The following SPAG1 variants were observed in gnomAD, a reference collection of about 807,000 sequenced individuals.
SPAG1 encodes the protein sperm associated antigen 1.
SPAG1 carries 69 observed loss-of-function variants against 100.5 expected under a neutral mutation model. The ratio of observed to expected loss-of-function variants is 0.69; its 90% CI spans 0.57 to 0.84. The LOEUF (loss-of-function observed/expected upper bound fraction) is 0.84. SPAG1 is among the 40% of genes least tolerant of loss of function. SPAG1 has a pLI of 0.00. For missense variants in SPAG1, 955 were observed against 1,133.1 expected, an observed-to-expected ratio of 0.84 and a Z score of 2.26; for synonymous variants, 336 against 411.6, an observed-to-expected ratio of 0.82 and a Z score of 2.22.
chr8:100,189,356 A>G (rs1291034511), intron 8 of SPAG1, among the ~76,000 whole-genome samples: 1 of 152,132 alleles, frequency 6.6e-6, no homozygotes, highest in Non-Finnish European at 1.5e-5. Context: ...AGGCACCTGT[A>G]ATCCCAACAA....
intron 16 of SPAG1, among the ~76,000 whole-genome samples, chr8:100,238,963 T>C (rs1303954889): frequency 3.3e-5 from 5 of 152,242 alleles, no homozygotes; most frequent in African/African-American, 7.2e-5. Flanking sequence ...GTGCTTATCA[T>C]GTGTTAGGGA....
intron 3 of SPAG1, among the ~76,000 whole-genome samples, chr8:100,172,381 G>A (rs1386690812): frequency 6.6e-6 from 1 of 152,144 alleles, no homozygotes; most frequent in African/African-American, 2.4e-5. Flanking sequence ...CACTTTGGGA[G>A]GCCGAGGCAG....
At chr8:100,171,712 G>A (rs1267732532) in intron 3 of SPAG1, among the ~76,000 whole-genome samples, 2 of 152,074 alleles carry the variant, frequency 1.3e-5, no homozygotes, top group East Asian at 3.9e-4. Context: ...GCAGTGAGTT[G>A]GAGCAAATGT....
At chr8:100,175,179 G>A (rs1816054150) in intron 3 of SPAG1, among the ~76,000 whole-genome samples, 1 of 151,694 alleles carries the variant, frequency 6.6e-6, no homozygotes, top group Non-Finnish European at 1.5e-5. Flanking sequence ...AATAATGATG[G>A]CATCTTCAAT....
At chr8:100,215,789 G>T (rs1817958789) in intron 12 of SPAG1, among the ~76,000 whole-genome samples, 1 of 152,264 alleles carries the variant, frequency 6.6e-6, no homozygotes, top group Admixed American at 6.5e-5. Context: ...CTCCCAAAGT[G>T]CTGGGATTAC....
At chr8:100,179,085 A>G (rs1038908673) in intron 4 of SPAG1, among the ~76,000 whole-genome samples, 1 of 150,186 alleles carries the variant, frequency 6.7e-6, no homozygotes, top group Admixed American at 6.6e-5. Context: ...AAAAACCACA[A>G]AAACAAACAA....
At chr8:100,190,312 CAAA>C (rs551371158) in intron 8 of SPAG1, among the ~76,000 whole-genome samples, 12 of 74,036 alleles carry the variant, frequency 1.6e-4, no homozygotes, top group African/African-American at 2.5e-4. Context: ...GACTCTGTCT[CAAA>C]AAAAAAAAAA....
At position 100,187,210 on chromosome 8, in the gene SPAG1, T is replaced by C. The variant is rs1586434662; in HGVS notation, c.792T>C (p.Asp264=). 5.0e-6 allele frequency: 8 copies of C among 1,612,834 alleles called. No individual in the cohort carries two copies. The highest frequency in any genetic ancestry group is 1.7e-5 in the Admixed American group (1 of 59,948). ...KLQNWNSAFQ[D]CEKVLELEPG... ...AGAACTGGAATAGTGCTTTTCAGGA[T>C]TGTGAAAAGGTCTTGGAGTTAGAAC... Residue 264 remains aspartate, a synonymous_variant, in exon 8 of 19, where the codon GAT becomes GAC. Coordinates refer to ENST00000388798, the MANE Select transcript of SPAG1 (RefSeq NM_003114.5).
intron 12 of SPAG1, 137 bp from the exon 13 acceptor site, chr8:100,220,142 A>G: frequency 1.5e-6 from 1 of 659,838 alleles, no homozygotes; most frequent in Non-Finnish European, 2.5e-6. Flanking sequence ...CCTTTCTGGC[A>G]TGTTGCCTGG....
chr8:100,220,424 G>GT lies in SPAG1; in HGVS notation c.1683dup (p.Asn562Ter). 6.2e-7 allele frequency: 1 copy of GT among 1,608,632 alleles called. No homozygotes were observed. Among genetic ancestry groups the GT allele is most frequent in the East Asian group, 2.2e-5 (1 of 44,746 alleles). ...TGGACTCCAGCTAGCAAATGACAGT[G>GT]TTAACAGGTAATTAATCTGAGGCAG... On this transcript the variant is annotated frameshift_variant, in exon 13 of 19. Coordinates refer to ENST00000388798, the MANE Select transcript of SPAG1 (RefSeq NM_003114.5). LOFTEE classifies it high-confidence loss of function.
At chr8:100,215,253 C>T (rs747153264) in intron 12 of SPAG1, among the ~76,000 whole-genome samples, 14 of 151,606 alleles carry the variant, frequency 9.2e-5, no homozygotes, top group South Asian at 4.2e-4. Flanking sequence ...AATAGTCACC[C>T]GTGGTACTCA....
chr8:100,219,474 A>G (rs1818162599), intron 12 of SPAG1, among the ~76,000 whole-genome samples: 1 of 152,318 alleles, frequency 6.6e-6, no homozygotes, highest in South Asian at 2.1e-4. Context: ...TTTCATTCAT[A>G]AATACAGATT....
intron 2 of SPAG1, 54 bp downstream of exon 2, chr8:100,162,474 T>C: frequency 7.3e-7 from 1 of 1,369,142 alleles, no homozygotes; most frequent in Non-Finnish European, 9.9e-7. Context: ...AATTATCTTG[T>C]TGTTACCTTC....
intron 10 of SPAG1, chr8:100,194,687 G>A (rs55662685): frequency 0.18 from 58,892 of 336,216 alleles, 5,859 homozygotes; most frequent in Middle Eastern, 0.25. Context: ...CTAGAAAATT[G>A]CTATGTGTGT....
At chr8:100,191,586 A>G in intron 9 of SPAG1, 90 bp downstream of exon 9, 1 of 851,322 alleles carries the variant, frequency 1.2e-6, no homozygotes, top group Non-Finnish European at 1.9e-6. Context: ...CAAACAAATT[A>G]TGTTGAAGAT....
intron 14 of SPAG1, among the ~76,000 whole-genome samples, chr8:100,227,423 A>G (rs1476145840): frequency 6.6e-6 from 1 of 152,218 alleles, no homozygotes; most frequent in East Asian, 1.9e-4. Context: ...CATGATGTCC[A>G]GATGGCTAGT....
chr8:100,162,673 G>A (rs1293775693), intron 2 of SPAG1, among the ~76,000 whole-genome samples: 1 of 152,180 alleles, frequency 6.6e-6, no homozygotes, highest in African/African-American at 2.4e-5. Flanking sequence ...AGAAGGTAAA[G>A]TAGCTGTGAA....
intron 12 of SPAG1, among the ~76,000 whole-genome samples, chr8:100,214,920 C>G (rs1174260542): frequency 6.8e-6 from 1 of 147,392 alleles, no homozygotes; most frequent in African/African-American, 2.5e-5. Context: ...GCAGATGTTG[C>G]AGTGAGCAGA....
intron 3 of SPAG1, among the ~76,000 whole-genome samples, chr8:100,175,234 T>A (rs1187059427): frequency 6.6e-6 from 1 of 152,070 alleles, no homozygotes; most frequent in Non-Finnish European, 1.5e-5. Context: ...CAGGGTTCTC[T>A]TCTGTAGTGT....
Sources: gnomAD v4.1 joint callset for allele counts (sites outside exome capture counted in the v4.1 genomes callset) on GRCh38, gnomAD v4.1.1 for gene constraint, MANE v1.5 for transcripts, NCBI Gene and HGNC (gene_info 2026-07-23, HGNC 2026-07-21) for gene names.